The following SLC41A3 variants were observed in gnomAD, a reference collection of about 807,000 sequenced individuals.
The protein encoded by SLC41A3 is SLC41A1-like 2.
A neutral mutation model predicts 45.4 loss-of-function variants in SLC41A3; 44 were observed. That is an observed-to-expected ratio of 0.97 (90% confidence interval 0.76 to 1.25). The LOEUF is 1.25. SLC41A3 is among the 50% of genes most tolerant of loss of function. The pLI is 0.00. For synonymous variants in SLC41A3, 256 were observed against 252.4 expected (o/e 1.01, Z -0.13); for missense variants, 550 against 600.6 (o/e 0.92, Z 0.88).
intron 9 of SLC41A3, 113 bp downstream of exon 9, chr3:126,012,502 A>C: frequency 7.1e-7 from 1 of 1,403,248 alleles, no homozygotes. Context: ...ATGTGTGCCG[A>C]GATCAGCCCT....
intron 1 of SLC41A3, among the ~76,000 whole-genome samples, chr3:126,078,396 G>C (rs1944982154): frequency 6.6e-6 from 1 of 152,130 alleles, no homozygotes; most frequent in African/African-American, 2.4e-5. Context: ...AAGGAGAGGA[G>C]GAGGACTTGG....
intron 3 of SLC41A3, among the ~76,000 whole-genome samples, chr3:126,043,868 A>G (rs899900006): frequency 6.6e-6 from 1 of 151,984 alleles, no homozygotes; most frequent in African/African-American, 2.4e-5. Flanking sequence ...TAGGGAAGAA[A>G]TAAGAGACAA....
chr3:126,022,451 G>C (rs1209763250), intron 6 of SLC41A3, among the ~76,000 whole-genome samples: 3 of 152,216 alleles, frequency 2.0e-5, no homozygotes, highest in Non-Finnish European at 2.9e-5. Context: ...TTGCTGGCGG[G>C]GACTCTGTGG....
In SLC41A3 at chr3:126,006,750, CGT is replaced by C. The variant is rs1241988077; in HGVS notation, c.*264_*265del. On this transcript the variant is annotated 3_prime_UTR_variant, in exon 11 of 11. Coordinates refer to ENST00000360370, the MANE Select transcript of SLC41A3 (RefSeq NM_017836.4). ...GCCAGAACACCCTCCTCTCCACAAA[CGT>C]GTGCACACTTGCACGCTCATTAAGC... 5 of 1,444,648 alleles carry C rather than the reference CGT, an allele frequency of 3.5e-6. No homozygotes were observed. The highest frequency in any genetic ancestry group is 4.5e-6 in the Non-Finnish European group (5 of 1,104,186). The allele number at this position is 1,444,648 out of a possible 1,614,324, so 89.5% of individuals were successfully genotyped here. A position where few individuals can be genotyped will look rare whatever the true frequency, so the allele number is the denominator to read the frequency against.
chr3:126,032,671 A>G (rs1348913173), intron 4 of SLC41A3, among the ~76,000 whole-genome samples: 1 of 152,198 alleles, frequency 6.6e-6, no homozygotes, highest in Non-Finnish European at 1.5e-5. Context: ...ATGAGGCCAG[A>G]CTTGGCTGTT....
At chr3:126,052,208 C>T (rs1385545366) in intron 2 of SLC41A3, among the ~76,000 whole-genome samples, 4 of 152,208 alleles carry the variant, frequency 2.6e-5, no homozygotes, top group Non-Finnish European at 5.9e-5. Context: ...TGTCCTCCCA[C>T]ACCTCACAGT....
intron 5 of SLC41A3, 126 bp from the exon 6 acceptor site, chr3:126,023,058 A>G (rs2270984): frequency 0.28 from 364,387 of 1,324,326 alleles, 50,903 homozygotes; most frequent in African/African-American, 0.33. Flanking sequence ...GAGGCTGCTC[A>G]TTAACTTGCC....
chr3:126,043,657 A>G lies in SLC41A3; in HGVS notation c.381+7286T>C, dbSNP rs982517422. ...AGAGCTATAAACAGTAGAGTTTTAT[A>G]TGCAATTGAAGTTAAGCTGCTATCA... On this transcript the variant is annotated intron_variant, in intron 3 of 10. Transcript: ENST00000360370. 6.6e-5 allele frequency among the ~76,000 whole-genome samples: 10 copies of G among 152,194 alleles called. No individual in the cohort carries two copies. The East Asian group carries it at 1.5e-3, about 23-fold the overall frequency.
In SLC41A3 at chr3:126,033,587, C is replaced by T. The variant is rs61430760; in HGVS notation, c.453+20G>A. The T allele has an allele frequency of 1.3e-3, 2,060 of 1,608,846 alleles. 33 individuals carry two copies. In the East Asian group the frequency reaches 0.036, roughly 28 times the overall value. On this transcript the variant is annotated intron_variant, in intron 4 of 10. Coordinates refer to ENST00000360370, the MANE Select transcript of SLC41A3 (RefSeq NM_017836.4). ...TGGCTGCAGATTCAGAAGGGAGGGT[C>T]GGACAAGGTGAAGACTCACCTGGAT...
intron 1 of SLC41A3, among the ~76,000 whole-genome samples, chr3:126,083,299 T>C (rs1413493090): frequency 6.6e-6 from 1 of 152,202 alleles, no homozygotes; most frequent in African/African-American, 2.4e-5. Context: ...GCAGTGCTGC[T>C]GGTCCTGGGA....
chr3:126,068,280 T>C (rs1944453933), intron 1 of SLC41A3, 34 bp from the exon 2 acceptor site: 1 of 1,468,356 alleles, frequency 6.8e-7, no homozygotes, highest in Non-Finnish European at 9.0e-7. Context: ...TAGGGCCAAG[T>C]TCCTGATTCC....
intron 2 of SLC41A3, among the ~76,000 whole-genome samples, chr3:126,051,418 G>A (rs1943328924): frequency 6.7e-6 from 1 of 148,792 alleles, no homozygotes; most frequent in Admixed American, 6.8e-5. Flanking sequence ...CCCACAAGAC[G>A]GCCAGGCTGA....
At chr3:126,038,240 C>G (rs1424616228) in intron 3 of SLC41A3, among the ~76,000 whole-genome samples, 1 of 152,254 alleles carries the variant, frequency 6.6e-6, no homozygotes, top group Non-Finnish European at 1.5e-5. Context: ...AGAGGCCACA[C>G]AAAGCCCCCA....
chr3:126,100,601 G>A (rs921280295), intron 1 of SLC41A3, among the ~76,000 whole-genome samples: 8 of 152,218 alleles, frequency 5.3e-5, no homozygotes, highest in African/African-American at 1.9e-4. Context: ...ACATAAGACG[G>A]CAGTCATTAT....
At chr3:126,059,263 G>GAAGAAAGAAAGAAAGAAAGAAAGAAAGA (rs1553740748) in intron 2 of SLC41A3, among the ~76,000 whole-genome samples, 5 of 11,734 alleles carry the variant, frequency 4.3e-4, no homozygotes, top group Admixed American at 1.1e-3. Flanking sequence ...AAGAAAGAAA[G>GAAGAAAGAAAGAAAGAAAGAAAGAAAGA]AAGAAAGAAA....
Position 126,026,245 on chromosome 3 carries a change from C to T in SLC41A3, c.598+90G>A, listed in dbSNP as rs977800978. 60 of 1,501,926 alleles carry T rather than the reference C, an allele frequency of 4.0e-5. No individual in the cohort carries two copies. Among genetic ancestry groups the T allele is most frequent in the Non-Finnish European group, 4.7e-5 (52 of 1,118,148 alleles). 93.0% of individuals were successfully genotyped at this position (1,501,926 alleles called of 1,614,324 possible). A position where few individuals can be genotyped will look rare whatever the true frequency, so the allele number is the denominator to read the frequency against. On this transcript the variant is annotated intron_variant, in intron 5 of 10. Transcript: ENST00000360370. The surrounding 1 kb of genome is among the most constrained non-coding windows in gnomAD (Gnocchi z 4.2). ...AGTCCCATTAGCAGTGGGACTCACA[C>T]CCCCAGAAACTGAAAACACAATGAG... is the stretch of plus-strand genomic sequence containing the variant.
rs774577338 is a variant in SLC41A3, at chr3:126,022,915, T to C, written c.616A>G (p.Ile206Val). Residue 206 changes from isoleucine (I) to valine (V), a missense_variant, in exon 6 of 11, where the codon ATA (isoleucine) becomes GTA (valine). Transcript: ENST00000360370. ...CCGAGCTTTCGAGCACCAATCACTATACAGACCATCAGCACCCCTGCAGAG... is the reference window on the plus strand; with the variant it reads ...CCGAGCTTTCGAGCACCAATCACTACACAGACCATCAGCACCCCTGCAGAG... The part of the protein sequence containing the change: ...AFALGVLMVC[I>V]VIGARKLGVN... 4.3e-6 allele frequency: 7 copies of C among 1,614,140 alleles called. No individual in the cohort carries two copies. The highest frequency in any genetic ancestry group is 4.0e-5 in the African/African-American group (3 of 75,026).
intron 1 of SLC41A3, among the ~76,000 whole-genome samples, chr3:126,069,319 T>TAA (rs1470518056): frequency 2.0e-5 from 3 of 151,836 alleles, no homozygotes; most frequent in Non-Finnish European, 4.4e-5. Flanking sequence ...AGCCACTGGG[T>TAA]AAAGACCAGG....
chr3:126,081,919 G>A (rs868587655), intron 1 of SLC41A3, among the ~76,000 whole-genome samples: 11 of 152,252 alleles, frequency 7.2e-5, no homozygotes, highest in Admixed American at 2.6e-4. Context: ...GCCCTGATCC[G>A]TGATTCATGC....
Sources: allele counts gnomAD v4.1 joint callset (sites outside exome capture counted in the v4.1 genomes callset), GRCh38; gene constraint gnomAD v4.1.1; non-coding constraint Gnocchi (gnomAD v3.1); transcripts MANE v1.5; gene names NCBI Gene and HGNC (gene_info 2026-07-23, HGNC 2026-07-21).